Variants in GSDMC observed in about 807,000 individuals in gnomAD.
The protein encoded by GSDMC is gasdermin-C.
Under a neutral mutation model 58.0 loss-of-function variants are expected in GSDMC, and 59 were observed. That is an observed-to-expected ratio of 1.02 (90% CI 0.82 to 1.26). The LOEUF is 1.26. Among genes scored for constraint, GSDMC ranks in the 50% most tolerant of loss-of-function variants. The pLI is 0.00. For missense variants in GSDMC, 659 were observed against 598.5 expected, an observed-to-expected ratio of 1.10 and a Z score of -1.06; for synonymous variants, 241 against 220.2, an observed-to-expected ratio of 1.09 and a Z score of -0.83.
At chr8:129,727,425 C>T in the GSDMC span, among the ~76,000 whole-genome samples, 4 of 152,110 alleles carry the variant, frequency 2.6e-5, no homozygotes, top group African/African-American at 9.7e-5. Context: ...AAACAGCCCC[C>T]ATGACAGTGT....
chr8:129,720,280 C>A, the GSDMC span, among the ~76,000 whole-genome samples: 1 of 152,214 alleles, frequency 6.6e-6, no homozygotes, highest in East Asian at 1.9e-4. Context: ...GGCTAAAGAC[C>A]ACAAATTCAC....
At chr8:129,785,057 C>T (rs1228389474) in intron 1 of GSDMC, among the ~76,000 whole-genome samples, 1 of 151,962 alleles carries the variant, frequency 6.6e-6, no homozygotes, top group Non-Finnish European at 1.5e-5. Context: ...ACTAAAAATA[C>T]AAAATTAGCC....
the GSDMC span, chr8:129,729,253 T>C: frequency 1.6e-6 from 1 of 628,550 alleles, no homozygotes; most frequent in Non-Finnish European, 3.0e-6. Context: ...TAGGTGGACT[T>C]AGACATGTAT....
chr8:129,741,287 C>T, the GSDMC span, among the ~76,000 whole-genome samples: 2 of 151,922 alleles, frequency 1.3e-5, no homozygotes, highest in Non-Finnish European at 2.9e-5. Flanking sequence ...GTGATGCCTC[C>T]AGTTTTGTTA....
chr8:129,749,343 TC>T (rs2033074073), intron 13 of GSDMC, 108 bp downstream of exon 13: 2 of 765,610 alleles, frequency 2.6e-6, no homozygotes, highest in African/African-American at 1.7e-5. Flanking sequence ...TGATCTGGAC[TC>T]CCCTCCCAGC....
At chr8:129,770,560 C>CA (rs1475701203) in intron 3 of GSDMC, among the ~76,000 whole-genome samples, 1 of 151,986 alleles carries the variant, frequency 6.6e-6, no homozygotes, top group Non-Finnish European at 1.5e-5. Context: ...TTGTTATCAG[C>CA]ATAAAATAGG....
intron 6 of GSDMC, among the ~76,000 whole-genome samples, chr8:129,756,360 G>C (rs886392980): frequency 7.9e-5 from 12 of 151,926 alleles, no homozygotes; most frequent in African/African-American, 2.9e-4. Flanking sequence ...GATATATAAA[G>C]CAAATATTAT....
Position 129,776,219 on chromosome 8 carries a change from C to A in GSDMC, c.287G>T (p.Gly96Val). 6.2e-7 allele frequency: 1 copy of A among 1,613,674 alleles called. No homozygotes were observed. Among genetic ancestry groups the A allele is most frequent in the South Asian group, 1.1e-5 (1 of 91,066 alleles). Residue 96 changes from glycine to valine, a missense_variant, in exon 3 of 14, where the codon GGT (glycine) becomes GTT (valine). Physicochemically the swap from Gly to Val is moderately radical, Grantham distance 109. Coordinates refer to ENST00000276708, the MANE Select transcript of GSDMC (RefSeq NM_031415.3). ...ACTCACTTCTATACCAACATTCACA[C>A]CCATGTCAGCCTTATGCTTCTGGAT... ...IMIQKHKADM[G>V]VNVGIEVSVS...
intron 3 of GSDMC, among the ~76,000 whole-genome samples, chr8:129,766,719 T>C (rs987550118): frequency 6.6e-6 from 1 of 152,078 alleles, no homozygotes; most frequent in East Asian, 1.9e-4. Context: ...GAGTTTTACT[T>C]TGGCAGCATC....
the GSDMC span, among the ~76,000 whole-genome samples, chr8:129,717,086 G>C: frequency 6.6e-6 from 1 of 151,980 alleles, no homozygotes; most frequent in Non-Finnish European, 1.5e-5. Context: ...TTTTGTTGTT[G>C]TTGTGTCTCT....
chr8:129,713,595 C>T, the GSDMC span, among the ~76,000 whole-genome samples: 1 of 152,076 alleles, frequency 6.6e-6, no homozygotes, highest in African/African-American at 2.4e-5. Flanking sequence ...CAGACAGCTC[C>T]GGACAGAGAC....
At chr8:129,736,573 C>T in the GSDMC span, among the ~76,000 whole-genome samples, 128 of 152,174 alleles carry the variant, frequency 8.4e-4, 1 homozygote, top group South Asian at 2.1e-3. Flanking sequence ...AAAAGGCCTT[C>T]GACAAAATTC....
At chr8:129,764,324 T>A (rs968166600) in intron 4 of GSDMC, among the ~76,000 whole-genome samples, 1 of 152,142 alleles carries the variant, frequency 6.6e-6, no homozygotes, top group African/African-American at 2.4e-5. Flanking sequence ...TGGTTGGGGT[T>A]TTTTTAGTTA....
intron 1 of GSDMC, among the ~76,000 whole-genome samples, chr8:129,782,775 A>T (rs1423118990): frequency 6.7e-6 from 1 of 150,164 alleles, no homozygotes; most frequent in African/African-American, 2.4e-5. Flanking sequence ...AATTCTACCA[A>T]ACATTTAAAG....
the GSDMC span, among the ~76,000 whole-genome samples, chr8:129,730,839 C>T: frequency 1.3e-5 from 2 of 152,208 alleles, no homozygotes; most frequent in African/African-American, 4.8e-5. Flanking sequence ...GGCCGATAAA[C>T]CCATCATAAA....
Position 129,763,780 on chromosome 8 carries a change from A to G in GSDMC, c.571-1049T>C, listed in dbSNP as rs554826388. On this transcript the variant is annotated intron_variant, in intron 4 of 13. Transcript: ENST00000276708. ...TATTTTGTAGAGACAAGGTCTCACT[A>G]TGTTGCCCAGGCTGGTGTTGAACTC... is the stretch of plus-strand genomic sequence containing the variant. Among the ~76,000 whole-genome samples the G allele has an allele frequency of 2.6e-5, 4 of 152,200 alleles. No individual in the cohort carries two copies. In the South Asian group the frequency reaches 8.3e-4, roughly 32 times the overall value.
intron 3 of GSDMC, among the ~76,000 whole-genome samples, chr8:129,767,510 G>T (rs564967553): frequency 2.0e-5 from 3 of 150,864 alleles, no homozygotes; most frequent in African/African-American, 7.3e-5. Flanking sequence ...CAGCCTTGAA[G>T]CTCTGCCTGC....
At chr8:129,715,808 T>C in the GSDMC span, among the ~76,000 whole-genome samples, 6 of 152,178 alleles carry the variant, frequency 3.9e-5, no homozygotes, top group Non-Finnish European at 8.8e-5. Flanking sequence ...TATTTAAATA[T>C]CTTTAAACAA....
chr8:129,717,250 CTTTTT>C, the GSDMC span, among the ~76,000 whole-genome samples: 3,468 of 114,656 alleles, frequency 0.03, 35 homozygotes, highest in Middle Eastern at 0.17. Flanking sequence ...TGGTCCTGGG[CTTTTT>C]TTTTTTTTTT....
Sources: allele counts gnomAD v4.1 joint callset (sites outside exome capture counted in the v4.1 genomes callset), GRCh38; gene constraint gnomAD v4.1.1; transcripts MANE v1.5; gene names NCBI Gene and HGNC (gene_info 2026-07-23, HGNC 2026-07-21).